The following KIF26B variants were observed in gnomAD, a reference collection of about 807,000 sequenced individuals.
KIF26B encodes kinesin-like protein KIF26B.
KIF26B carries 63 observed loss-of-function variants against 151.2 expected under a neutral mutation model. The observed-to-expected ratio is 0.42, with a 90% CI of 0.34 to 0.51. KIF26B has a LOEUF of 0.51. KIF26B is among the 20% of genes least tolerant of loss of function. KIF26B has a pLI of 0.07. For synonymous variants in KIF26B, 1,357 were observed against 1,262.1 expected (o/e 1.08, Z -1.59); for missense variants, 2,813 against 2,913.6 (o/e 0.97, Z 0.79).
intron 4 of KIF26B, among the ~76,000 whole-genome samples, chr1:245,464,663 TGTGTGG>T (rs1330787406): frequency 6.7e-6 from 1 of 150,052 alleles, no homozygotes; most frequent in Admixed American, 6.6e-5. Flanking sequence ...TGCGTGTGTG[TGTGTGG>T]GTGTGTGCAT....
chr1:245,619,273 C>T (rs1011409718), intron 9 of KIF26B, among the ~76,000 whole-genome samples: 2 of 152,240 alleles, frequency 1.3e-5, no homozygotes, highest in Non-Finnish European at 2.9e-5. Flanking sequence ...CAGAGTGCCA[C>T]AGTGCTGGGG....
rs922366984 is a variant in KIF26B, at chr1:245,318,357, A to G, written c.466-48477A>G. ...TTACCCTCAGCAAGACGAGGGAAGA[A>G]GAAGATTCTGGAAAGGGAGAATTCT... is the stretch of plus-strand genomic sequence containing the variant. On this transcript the variant is annotated intron_variant, in intron 2 of 14. Coordinates refer to ENST00000407071, the MANE Select transcript of KIF26B (RefSeq NM_018012.4). The surrounding 1 kb of genome is among the most constrained non-coding windows in gnomAD (Gnocchi z 4.0). 6.6e-6 allele frequency among the ~76,000 whole-genome samples: 1 copy of G among 152,162 alleles called. No homozygotes were observed. Among genetic ancestry groups the G allele is most frequent in the Non-Finnish European group, 1.5e-5 (1 of 68,020 alleles).
rs1001435772 is a variant in KIF26B at position 245,540,078 on chromosome 1, C to T, written c.1167-689C>T. On this transcript the variant is annotated intron_variant, in intron 4 of 14. Transcript: ENST00000407071. This position sits in a 1 kb window ranked among gnomAD's most constrained non-coding sequence, Gnocchi z 4.6. ...TTTCCCTGCCTTCACACTCTGTGCC[C>T]CCTTCAGTGCTTTGACCCCTTACTC... Among the ~76,000 whole-genome samples the T allele has an allele frequency of 4.6e-5, 7 of 152,152 alleles. No homozygotes were observed. The highest frequency in any genetic ancestry group is 1.3e-4 in the Admixed American group (2 of 15,266).
intron 2 of KIF26B, among the ~76,000 whole-genome samples, chr1:245,321,791 C>T (rs1267958800): frequency 2.6e-5 from 4 of 152,204 alleles, no homozygotes; most frequent in Non-Finnish European, 4.4e-5. Flanking sequence ...CATGCCAGTT[C>T]GCTCAGCCAT....
In KIF26B at chr1:245,155,146, C is replaced by A; in HGVS notation, c.-279C>A. 1 of 547,610 alleles carries A rather than the reference C, an allele frequency of 1.8e-6. No homozygotes were observed. The highest frequency in any genetic ancestry group is 3.3e-5 in the East Asian group (1 of 30,760). 33.9% of individuals were successfully genotyped at this position (547,610 alleles called of 1,614,324 possible). A position where few individuals can be genotyped will look rare whatever the true frequency, so the allele number is the denominator to read the frequency against. ...GAAAATGCCAGTTCTGTGGATGTGGCCGTGACAAGAGGACGTGCGGCTGGA... is the reference window on the plus strand; with the variant it reads ...GAAAATGCCAGTTCTGTGGATGTGGACGTGACAAGAGGACGTGCGGCTGGA... On this transcript the variant is annotated 5_prime_UTR_variant, in exon 1 of 15. Coordinates refer to ENST00000407071, the MANE Select transcript of KIF26B (RefSeq NM_018012.4).
rs1293400386 is a variant in KIF26B, at chr1:245,685,435, T to G, written c.2452T>G (p.Ser818Ala). ...ATCCAGCTCGTCCGGCGGGGAGAGC[T>G]CCTGCGAAGAAGGCCGCATGCGCAG... ...YTSSSSGGES[S>A]CEEGRMRRPT... is the part of the protein sequence containing the mutation. The change falls in exon 12 of 15, where the codon TCC becomes GCC. Residue 818 changes from serine to alanine, a missense_variant. Physicochemically the swap from Ser to Ala is moderately conservative, Grantham distance 99. Around this residue, in one of 3 missense-constraint regions of KIF26B, gnomAD observed 2,060 missense variants for 2,088.6 expected, o/e 0.99. Transcript: ENST00000407071. 6.2e-7 allele frequency: 1 copy of G among 1,612,886 alleles called. No individual in the cohort carries two copies. Among genetic ancestry groups the G allele is most frequent in the Non-Finnish European group, 8.5e-7 (1 of 1,179,446 alleles).
chr1:245,554,400 C>T lies in KIF26B; in HGVS notation c.1350+13450C>T, dbSNP rs1057490108. Among the ~76,000 whole-genome samples the T allele has an allele frequency of 3.3e-5, 5 of 152,170 alleles. No homozygotes were observed. In the East Asian group the frequency reaches 7.7e-4, roughly 23 times the overall value. ...GCTTGTCCCTATCATTTACCCATCA[C>T]CTCTTAGTCCATCTGGTCATCCATT... On this transcript the variant is annotated intron_variant, in intron 5 of 14. Coordinates refer to ENST00000407071, the MANE Select transcript of KIF26B (RefSeq NM_018012.4).
chr1:245,417,675 C>T (rs2103035056), intron 3 of KIF26B, among the ~76,000 whole-genome samples: 1 of 152,312 alleles, frequency 6.6e-6, no homozygotes, highest in South Asian at 2.1e-4. Context: ...AATTCATTTG[C>T]CCAGAGACAT....
At chr1:245,172,797 G>A (rs543889936) in intron 2 of KIF26B, among the ~76,000 whole-genome samples, 10 of 152,230 alleles carry the variant, frequency 6.6e-5, no homozygotes, top group South Asian at 4.1e-4. Context: ...GTGACAGAGC[G>A]AGACTCCATC....
At chr1:245,311,411 A>G (rs960259080) in intron 2 of KIF26B, among the ~76,000 whole-genome samples, 8 of 151,962 alleles carry the variant, frequency 5.3e-5, no homozygotes, top group Non-Finnish European at 1.2e-4. Flanking sequence ...TTTTTGGGGA[A>G]GTTAGACTCG....
chr1:245,302,853 G>A (rs1054350960), intron 2 of KIF26B, among the ~76,000 whole-genome samples: 2 of 151,816 alleles, frequency 1.3e-5, no homozygotes, highest in Non-Finnish European at 2.9e-5. Context: ...GCTGGGCGTG[G>A]TGGCGGGTGC....
chr1:245,373,746 A>G (rs1035852762), intron 3 of KIF26B, among the ~76,000 whole-genome samples: 11 of 152,072 alleles, frequency 7.2e-5, no homozygotes, highest in Non-Finnish European at 1.5e-4. Flanking sequence ...AAGCACAGCC[A>G]TTACTGGACT....
chr1:245,380,975 A>G (rs1356876828), intron 3 of KIF26B, among the ~76,000 whole-genome samples: 1 of 149,180 alleles, frequency 6.7e-6, no homozygotes, highest in Non-Finnish European at 1.5e-5. Context: ...AAAAAAAAAA[A>G]GGCTGTGTGG....
At chr1:245,268,969 T>TAGGG (rs1411049025) in intron 2 of KIF26B, among the ~76,000 whole-genome samples, 4 of 152,046 alleles carry the variant, frequency 2.6e-5, no homozygotes, top group Non-Finnish European at 5.9e-5. Flanking sequence ...GTGGGTTGAA[T>TAGGG]AGGGACCCAC....
At chr1:245,669,486 A>G (rs1227920367) in intron 10 of KIF26B, among the ~76,000 whole-genome samples, 1 of 152,200 alleles carries the variant, frequency 6.6e-6, no homozygotes, top group African/African-American at 2.4e-5. Flanking sequence ...GTCAACAACC[A>G]TCACCACACC....
chr1:245,421,788 C>T (rs1474666581), intron 4 of KIF26B, among the ~76,000 whole-genome samples: 1 of 151,956 alleles, frequency 6.6e-6, no homozygotes, highest in East Asian at 1.9e-4. Context: ...AAACCAGCAG[C>T]GTCTTTGGAG....
At chr1:245,598,380 G>T (rs1475195773) in intron 5 of KIF26B, among the ~76,000 whole-genome samples, 2 of 152,118 alleles carry the variant, frequency 1.3e-5, no homozygotes, top group Non-Finnish European at 2.9e-5. Context: ...CCTTCCAGTG[G>T]TCACATTTGC....
chr1:245,289,020 A>C (rs1671211784), intron 2 of KIF26B, among the ~76,000 whole-genome samples: 1 of 152,168 alleles, frequency 6.6e-6, no homozygotes, highest in Non-Finnish European at 1.5e-5. Context: ...TCTGAAGTTA[A>C]TGCTACCTTT....
intron 5 of KIF26B, among the ~76,000 whole-genome samples, chr1:245,568,044 G>T (rs187226046): frequency 6.6e-6 from 1 of 151,762 alleles, no homozygotes; most frequent in East Asian, 1.9e-4. Flanking sequence ...AAATAGCCGG[G>T]GTTAATCCCA....
Sources: allele counts gnomAD v4.1 joint callset (sites outside exome capture counted in the v4.1 genomes callset), GRCh38; gene constraint gnomAD v4.1.1; regional missense constraint gnomAD v4.1.1; non-coding constraint Gnocchi (gnomAD v3.1); transcripts MANE v1.5; gene names NCBI Gene and HGNC (gene_info 2026-07-23, HGNC 2026-07-21).